Variants in WDPCP observed in about 807,000 individuals in gnomAD.
WDPCP encodes the protein WD repeat-containing and planar cell polarity effector protein fritz homolog.
In WDPCP, 71 loss-of-function variants were observed where a neutral mutation model predicts 93.1. That is an observed-to-expected ratio of 0.76 (90% CI 0.63 to 0.93). WDPCP has a LOEUF of 0.93. WDPCP is among the 40% of genes least tolerant of loss of function. The pLI, the probability that WDPCP is intolerant of heterozygous loss-of-function variation, is 0.00. For missense variants in WDPCP, 844 were observed against 887.4 expected (o/e 0.95, Z 0.62); for synonymous variants, 315 against 315.0 (o/e 1.00, Z 0.00).
At chr2:63,721,521 A>T (rs1669412271) in intron 2 of WDPCP, among the ~76,000 whole-genome samples, 2 of 152,320 alleles carry the variant, frequency 1.3e-5, no homozygotes, top group South Asian at 2.1e-4. Flanking sequence ...CAGAGCAGTC[A>T]GAGTGTCTTT....
intron 2 of WDPCP, among the ~76,000 whole-genome samples, chr2:63,793,328 C>T (rs1050588598): frequency 6.6e-6 from 1 of 152,144 alleles, no homozygotes; most frequent in Non-Finnish European, 1.5e-5. Context: ...TGAAATGAGG[C>T]TGGGCATGGT....
At chr2:63,123,821 T>G (rs1669708296) in intron 17 of WDPCP, among the ~76,000 whole-genome samples, 1 of 151,646 alleles carries the variant, frequency 6.6e-6, no homozygotes, top group Admixed American at 6.6e-5. Flanking sequence ...TTCTAGTCTC[T>G]TTTTCTCCAC....
At chr2:63,349,850 A>C (rs1351225639) in intron 12 of WDPCP, among the ~76,000 whole-genome samples, 1 of 152,232 alleles carries the variant, frequency 6.6e-6, no homozygotes, top group African/African-American at 2.4e-5. Context: ...AAAAAATAGC[A>C]GGATTATTTC....
chr2:63,350,976 T>TTTATTTA lies in WDPCP; in HGVS notation c.1748+27409_1748+27410insTAAATAA, dbSNP rs1558505187. Among the ~76,000 whole-genome samples, 6 of 147,900 alleles carry TTTATTTA rather than the reference T, an allele frequency of 4.1e-5. No homozygotes were observed. In the South Asian group the frequency reaches 8.7e-4, roughly 21 times the overall value. On this transcript the variant is annotated intron_variant, in intron 12 of 17. Coordinates refer to ENST00000272321, the MANE Select transcript of WDPCP (RefSeq NM_015910.7). ...TAATTTTATTAAATATCAACATTTA[T>TTTATTTA]TTATTATTATTATTATTATTATTGA... is the stretch of plus-strand genomic sequence containing the variant.
intron 12 of WDPCP, among the ~76,000 whole-genome samples, chr2:63,331,174 A>G (rs777802530): frequency 3.9e-5 from 6 of 152,290 alleles, no homozygotes; most frequent in Non-Finnish European, 8.8e-5. Flanking sequence ...GCCATCGGCC[A>G]TATTTTTTTA....
At chr2:63,812,886 T>A (rs1037075401) in intron 2 of WDPCP, among the ~76,000 whole-genome samples, 1 of 151,958 alleles carries the variant, frequency 6.6e-6, no homozygotes, top group Admixed American at 6.6e-5. Context: ...TCACTTTATT[T>A]TTTTTTTTTT....
intron 15 of WDPCP, among the ~76,000 whole-genome samples, chr2:63,156,405 GC>G (rs1223435891): frequency 6.6e-6 from 1 of 152,106 alleles, no homozygotes; most frequent in African/African-American, 2.4e-5. Flanking sequence ...AATTTAAAAA[GC>G]TTTTTTGGTT....
At chr2:63,801,576 G>C (rs1460129265) in intron 2 of WDPCP, among the ~76,000 whole-genome samples, 1 of 152,160 alleles carries the variant, frequency 6.6e-6, no homozygotes, top group Non-Finnish European at 1.5e-5. Context: ...TGTCCTATCA[G>C]AATGCCCTTT....
chr2:63,474,918 G>A (rs998732655), intron 6 of WDPCP, among the ~76,000 whole-genome samples: 1 of 152,164 alleles, frequency 6.6e-6, no homozygotes, highest in African/African-American at 2.4e-5. Flanking sequence ...ATGGTGAATA[G>A]TGGGTAATAC....
intron 12 of WDPCP, among the ~76,000 whole-genome samples, chr2:63,371,323 G>A (rs143726104): frequency 1.5e-3 from 224 of 152,098 alleles, no homozygotes; most frequent in African/African-American, 5.1e-3. Flanking sequence ...TCTGTAACTG[G>A]CCACCATCGC....
intron 3 of WDPCP, chr2:63,605,707 A>C (rs148281530): frequency 2.2e-4 from 130 of 594,990 alleles, no homozygotes; most frequent in African/African-American, 2.1e-3. Flanking sequence ...CCTCATCTGT[A>C]AAATGAGGAT....
At chr2:63,246,239 A>G (rs769491706) in intron 14 of WDPCP, among the ~76,000 whole-genome samples, 4 of 152,154 alleles carry the variant, frequency 2.6e-5, no homozygotes, top group Non-Finnish European at 4.4e-5. Context: ...TCACCAGTCC[A>G]TTATTATGCT....
chr2:63,149,951 T>A (rs1385515211), intron 17 of WDPCP, among the ~76,000 whole-genome samples: 1 of 152,078 alleles, frequency 6.6e-6, no homozygotes, highest in African/African-American at 2.4e-5. Flanking sequence ...CAGTGAGCTG[T>A]ATTCATGCAA....
rs181799069 is a variant in WDPCP, at chr2:63,446,851, C to T, written c.385-6980G>A. On this transcript the variant is annotated intron_variant, in intron 6 of 17. Coordinates refer to ENST00000272321, the MANE Select transcript of WDPCP (RefSeq NM_015910.7). ...TTCTCATTCTCTGCTCACCAATCAG[C>T]CTTCTTATTTATACTTCAGTCTCTT... 4.4e-3 allele frequency among the ~76,000 whole-genome samples: 676 copies of T among 152,302 alleles called. 8 individuals carry two copies. Among genetic ancestry groups the T allele is most frequent in the African/African-American group, 0.015 (641 of 41,556 alleles).
At chr2:63,345,684 C>A (rs1379018690) in intron 12 of WDPCP, among the ~76,000 whole-genome samples, 1 of 152,146 alleles carries the variant, frequency 6.6e-6, no homozygotes, top group Admixed American at 6.6e-5. Context: ...TTACTAAAGT[C>A]AGGGAACTGC....
In WDPCP at chr2:63,259,328, C is replaced by T; in HGVS notation, c.1894G>A (p.Glu632Lys). 6.2e-7 allele frequency: 1 copy of T among 1,612,804 alleles called. No individual in the cohort carries two copies. Among genetic ancestry groups the T allele is most frequent in the Non-Finnish European group, 8.5e-7 (1 of 1,179,534 alleles). ...ARKRASDIDA[E>K]SITSGVELLG... ...TTACCAACCCCAGAGGTTATTGATT[C>T]TGCATCAATGTCACTAGCTCTTTTT... The change falls in exon 14 of 18, where the codon GAA becomes AAA. Residue 632 changes from glutamate to lysine, a missense_variant. Physicochemically the swap from Glu to Lys is moderately conservative, Grantham distance 56 (BLOSUM62 1). Coordinates refer to ENST00000272321, the MANE Select transcript of WDPCP (RefSeq NM_015910.7).
At chr2:63,406,093 A>AT (rs1257160024) in intron 9 of WDPCP, among the ~76,000 whole-genome samples, 2 of 152,038 alleles carry the variant, frequency 1.3e-5, no homozygotes, top group African/African-American at 4.8e-5. Flanking sequence ...ATTAAAAGTC[A>AT]TTTTTTAAAA....
At chr2:63,510,797 C>A (rs1176089443) in intron 1 of WDPCP, among the ~76,000 whole-genome samples, 3 of 152,000 alleles carry the variant, frequency 2.0e-5, no homozygotes, top group Admixed American at 6.6e-5. Flanking sequence ...CATGGCAAAC[C>A]CTGTCTCTAC....
At chr2:63,497,135 AT>A (rs1553411964) in intron 1 of WDPCP, among the ~76,000 whole-genome samples, 2 of 141,556 alleles carry the variant, frequency 1.4e-5, no homozygotes, top group South Asian at 2.3e-4. Context: ...AAAAAAAAGA[AT>A]GGAGAAGTGG....
Sources: gnomAD v4.1 joint callset for allele counts (sites outside exome capture counted in the v4.1 genomes callset) on GRCh38, gnomAD v4.1.1 for gene constraint, MANE v1.5 for transcripts, NCBI Gene and HGNC (gene_info 2026-07-23, HGNC 2026-07-21) for gene names.